The following MDGA2 variants were observed in gnomAD, a reference collection of about 807,000 sequenced individuals.
MDGA2 encodes MAM domain containing glycosylphosphatidylinositol anchor 2, also known as MAM domain-containing glycosylphosphatidylinositol anchor protein 2.
In MDGA2, 40 loss-of-function variants were observed where a neutral mutation model predicts 117.8. That is an observed-to-expected ratio of 0.34 (90% CI 0.26 to 0.44). The LOEUF (loss-of-function observed/expected upper bound fraction) is 0.44. Ranked by LOEUF, MDGA2 falls within the 20% of genes least tolerant of loss-of-function variation. The pLI is 1.00. For missense variants in MDGA2, 1,123 were observed against 1,250.6 expected, an observed-to-expected ratio of 0.90 and a Z score of 1.54; for synonymous variants, 452 against 439.0, an observed-to-expected ratio of 1.03 and a Z score of -0.37.
At chr14:47,289,251 C>A (rs1289299686) in intron 2 of MDGA2, among the ~76,000 whole-genome samples, 1 of 149,042 alleles carries the variant, frequency 6.7e-6, no homozygotes, top group African/African-American at 2.5e-5. Flanking sequence ...TTTCATGCTA[C>A]CTTTTTAAAA....
intron 1 of MDGA2, among the ~76,000 whole-genome samples, chr14:47,377,876 T>C (rs1459843897): frequency 2.6e-5 from 4 of 152,280 alleles, no homozygotes; most frequent in Middle Eastern, 3.4e-3. Context: ...TCTCCCAGCA[T>C]GGAGTTTGAG....
chr14:46,957,344 T>TAAAA, intron 9 of MDGA2, 30 bp downstream of exon 9: 1 of 1,596,424 alleles, frequency 6.3e-7, no homozygotes, highest in Non-Finnish European at 8.5e-7. Flanking sequence ...TAAAACAAAA[T>TAAAA]GTATAAAAAG....
intron 1 of MDGA2, among the ~76,000 whole-genome samples, chr14:47,462,699 T>C (rs1003697851): frequency 7.2e-5 from 11 of 152,176 alleles, no homozygotes; most frequent in Admixed American, 3.3e-4. Context: ...ATGTAGAAGT[T>C]TTGGAAACAC....
At chr14:47,317,160 A>G (rs1343194306) in intron 1 of MDGA2, among the ~76,000 whole-genome samples, 2 of 152,132 alleles carry the variant, frequency 1.3e-5, no homozygotes, top group African/African-American at 2.4e-5. Context: ...CTCAGTAACA[A>G]TGAAATACAA....
chr14:47,450,833 T>A (rs561990131), intron 1 of MDGA2, among the ~76,000 whole-genome samples: 31 of 152,152 alleles, frequency 2.0e-4, no homozygotes, highest in Non-Finnish European at 3.1e-4. Context: ...TAATAAAGGT[T>A]AATGAATAGA....
chr14:47,351,529 G>A (rs1308169023), intron 1 of MDGA2, among the ~76,000 whole-genome samples: 2 of 152,078 alleles, frequency 1.3e-5, no homozygotes, highest in East Asian at 3.9e-4. Flanking sequence ...AACTATTCTT[G>A]GTTAAGGCTC....
chr14:47,117,466 C>T (rs987465288), intron 5 of MDGA2, among the ~76,000 whole-genome samples: 2 of 152,132 alleles, frequency 1.3e-5, no homozygotes, highest in African/African-American at 4.8e-5. Flanking sequence ...TTCACTGCAG[C>T]TCTGTTCACT....
intron 1 of MDGA2, among the ~76,000 whole-genome samples, chr14:47,525,210 CG>C (rs1237701183): frequency 1.3e-5 from 2 of 152,180 alleles, no homozygotes; most frequent in Non-Finnish European, 2.9e-5. Context: ...TTTAAGACTA[CG>C]GTAATTGTCT....
intron 9 of MDGA2, among the ~76,000 whole-genome samples, chr14:46,942,880 C>T (rs776278783): frequency 3.3e-5 from 5 of 152,044 alleles, no homozygotes; most frequent in Non-Finnish European, 7.4e-5. Flanking sequence ...TTTGTGTATA[C>T]ATGTGCTTTC....
At chr14:47,042,330 TGTG>T (rs1889106775) in intron 7 of MDGA2, among the ~76,000 whole-genome samples, 2 of 86,914 alleles carry the variant, frequency 2.3e-5, no homozygotes, top group African/African-American at 8.1e-5. Context: ...TTTTTTTTTG[TGTG>T]TGTGTGTGTG....
chr14:47,146,290 T>C (rs1171189682), intron 3 of MDGA2, among the ~76,000 whole-genome samples: 1 of 152,180 alleles, frequency 6.6e-6, no homozygotes, highest in Non-Finnish European at 1.5e-5. Context: ...GAGGGCTTTT[T>C]TTCTTCCAAC....
intron 1 of MDGA2, among the ~76,000 whole-genome samples, chr14:47,513,749 T>C (rs558874081): frequency 2.6e-5 from 4 of 152,232 alleles, no homozygotes; most frequent in South Asian, 2.1e-4. Flanking sequence ...TTCCCTATCA[T>C]ATATTCTGAG....
At chr14:47,342,573 C>CA (rs1890662332) in intron 1 of MDGA2, among the ~76,000 whole-genome samples, 1 of 152,026 alleles carries the variant, frequency 6.6e-6, no homozygotes, top group Non-Finnish European at 1.5e-5. Flanking sequence ...TCTGTGGAAG[C>CA]AGTAGCTAGT....
chr14:47,106,146 C>T (rs777984063), intron 5 of MDGA2, among the ~76,000 whole-genome samples: 14 of 152,004 alleles, frequency 9.2e-5, no homozygotes, highest in Non-Finnish European at 1.9e-4. Flanking sequence ...TTGGCAGCAA[C>T]CCTGAGACAC....
chr14:47,246,191 A>G (rs1887232737), intron 2 of MDGA2, among the ~76,000 whole-genome samples: 1 of 151,876 alleles, frequency 6.6e-6, no homozygotes, highest in Non-Finnish European at 1.5e-5. Flanking sequence ...GTATTTTACA[A>G]ATAATGCTTT....
intron 2 of MDGA2, among the ~76,000 whole-genome samples, chr14:47,265,279 A>G (rs1412330440): frequency 2.0e-5 from 3 of 152,154 alleles, no homozygotes; most frequent in African/African-American, 7.2e-5. Context: ...TATGTATTAC[A>G]TTTGGTTTTA....
chr14:47,431,452 G>A (rs1376713712), intron 1 of MDGA2, among the ~76,000 whole-genome samples: 1 of 151,996 alleles, frequency 6.6e-6, no homozygotes, highest in Non-Finnish European at 1.5e-5. Flanking sequence ...TATGTGGAAA[G>A]ATACATAAAA....
chr14:47,081,715 C>T (rs1055590466), intron 6 of MDGA2, among the ~76,000 whole-genome samples: 6 of 152,000 alleles, frequency 3.9e-5, no homozygotes, highest in Non-Finnish European at 8.8e-5. Context: ...AAGACATATC[C>T]ATTACCATAT....
intron 8 of MDGA2, among the ~76,000 whole-genome samples, chr14:47,027,187 A>C (rs1001644420): frequency 3.9e-5 from 6 of 151,978 alleles, no homozygotes; most frequent in African/African-American, 1.4e-4. Flanking sequence ...AAAACCTATA[A>C]AATAAATTTA....
Sources: gnomAD v4.1 joint callset for allele counts (sites outside exome capture counted in the v4.1 genomes callset) on GRCh38, gnomAD v4.1.1 for gene constraint, MANE v1.5 for transcripts, NCBI Gene and HGNC (gene_info 2026-07-23, HGNC 2026-07-21) for gene names.